NUCB1: variants seen among roughly 807,000 people sequenced by gnomAD.
The protein encoded by NUCB1 is nucleobindin-1.
A neutral mutation model predicts 61.2 loss-of-function variants in NUCB1; 47 were observed. That is an observed-to-expected ratio of 0.77 (90% CI 0.61 to 0.98). The LOEUF is 0.98. NUCB1 is among the 50% of genes least tolerant of loss of function. The probability of loss-of-function intolerance (pLI) is 0.00; values close to 1 mark genes in which losing one functional copy is unlikely to be tolerated. For synonymous variants in NUCB1, 234 were observed against 243.1 expected (o/e 0.96, Z 0.35); for missense variants, 583 against 605.3 (o/e 0.96, Z 0.39).
At chr19:48,907,475 A>C (rs928987395) in intron 4 of NUCB1, among the ~76,000 whole-genome samples, 2 of 151,810 alleles carry the variant, frequency 1.3e-5, no homozygotes, top group African/African-American at 4.8e-5. Context: ...TGATTTTGCC[A>C]TGTTGGCCAG....
intron 4 of NUCB1, among the ~76,000 whole-genome samples, chr19:48,907,362 G>A (rs563607521): frequency 7.1e-6 from 1 of 140,658 alleles, no homozygotes; most frequent in Admixed American, 7.5e-5. Flanking sequence ...TGCAACCTCC[G>A]CCTCCTGGGT....
chr19:48,900,788 CA>C lies in NUCB1; in HGVS notation c.-8del. The stretch of plus-strand genomic sequence containing the variant: ...ATCCAGCCCTCCATCCCCCACAGAC[CA>C]CACTGCCATGCCTCCCTCTGGGCCC... On this transcript the variant is annotated 5_prime_UTR_variant, in exon 2 of 13. Transcript: ENST00000405315. 6.2e-7 allele frequency: 1 copy of C among 1,613,668 alleles called. No homozygotes were observed. The highest frequency in any genetic ancestry group is 8.5e-7 in the Non-Finnish European group (1 of 1,179,922).
intron 1 of NUCB1, 115 bp from the exon 2 acceptor site, chr19:48,900,670 CT>C: frequency 7.3e-7 from 1 of 1,362,098 alleles, no homozygotes; most frequent in Non-Finnish European, 1.0e-6. Context: ...TAACAAAATG[CT>C]TGTGTCTTGA....
Position 48,922,466 on chromosome 19 carries a change from G to A in NUCB1, c.*42G>A, listed in dbSNP as rs1351162523. 1 of 1,500,724 alleles carries A rather than the reference G, an allele frequency of 6.7e-7. No individual in the cohort carries two copies. Among genetic ancestry groups the A allele is most frequent in the Non-Finnish European group, 9.3e-7 (1 of 1,077,986 alleles). 93.0% of individuals were successfully genotyped at this position (1,500,724 alleles called of 1,614,324 possible). A position where few individuals can be genotyped will look rare whatever the true frequency, so the allele number is the denominator to read the frequency against. ...CCCTCAGGATTCCTGATGCTCCAAG[G>A]CGACTGATGGGCGCTGGATGAAGTG... On this transcript the variant is annotated 3_prime_UTR_variant, in exon 13 of 13. Coordinates refer to ENST00000405315, the MANE Select transcript of NUCB1 (RefSeq NM_006184.6).
intron 7 of NUCB1, among the ~76,000 whole-genome samples, chr19:48,917,114 T>G (rs979603238): frequency 6.6e-6 from 1 of 151,696 alleles, no homozygotes; most frequent in Non-Finnish European, 1.5e-5. Flanking sequence ...TCCCAGCTAC[T>G]TGGGAGGCTG....
intron 7 of NUCB1, among the ~76,000 whole-genome samples, chr19:48,914,682 C>T (rs1044650265): frequency 1.3e-5 from 2 of 151,996 alleles, no homozygotes; most frequent in Admixed American, 1.3e-4. Flanking sequence ...TGTAGTGGCT[C>T]ATGTCTGTAA....
rs760463469 is a variant in NUCB1 at position 48,919,086 on chromosome 19, G to A, written c.873G>A (p.Glu291=). ...AGGACGACATGCGGGAGATGGAGGA[G>A]GAGCGACTGCGCATGCGGGAGCATG... ...NEEDDMREME[E]ERLRMREHVM... is the part of the protein sequence containing the mutation. The change falls in exon 9 of 13, where the codon GAG becomes GAA. Residue 291 remains glutamate, a synonymous_variant. Coordinates refer to ENST00000405315, the MANE Select transcript of NUCB1 (RefSeq NM_006184.6). The A allele has an allele frequency of 1.4e-5, 22 of 1,614,172 alleles. No homozygotes were observed. The highest frequency in any genetic ancestry group is 4.0e-5 in the African/African-American group (3 of 75,046).
chr19:48,904,260 C>G, intron 2 of NUCB1, 87 bp from the exon 3 acceptor site: 2 of 823,214 alleles, frequency 2.4e-6, no homozygotes. Context: ...GTCAGCTGCC[C>G]CAGGGAGCAG....
rs755339454 is a variant in NUCB1 at position 48,922,426 on chromosome 19, C to A, written c.*2C>A. Reference sequence around the variant, plus strand: ...GTTGAGGTGCCCCAGCATCTGTGATCCTCCGGGACCCCAGCCCTCAGGATT... The same window carrying A: ...GTTGAGGTGCCCCAGCATCTGTGATACTCCGGGACCCCAGCCCTCAGGATT... On this transcript the variant is annotated 3_prime_UTR_variant, in exon 13 of 13. Transcript: ENST00000405315. The A allele has an allele frequency of 3.7e-6, 6 of 1,610,522 alleles. No homozygotes were observed. The highest frequency in any genetic ancestry group is 5.1e-6 in the Non-Finnish European group (6 of 1,176,884).
chr19:48,904,959 G>A (rs1404478953), intron 3 of NUCB1, among the ~76,000 whole-genome samples: 2 of 146,184 alleles, frequency 1.4e-5, no homozygotes, highest in African/African-American at 5.4e-5. Context: ...TACGTGTTTA[G>A]TGCAGAGTCC....
In NUCB1 at chr19:48,900,942, C is replaced by T. The variant is rs200332775; in HGVS notation, c.135+11C>T. ...GCGACTGAGAGTCCCGTGAGTGGCC[C>T]TGCCCTGCTATCCAGCCAGGTGTTT... On this transcript the variant is annotated intron_variant, in intron 2 of 12. Coordinates refer to ENST00000405315, the MANE Select transcript of NUCB1 (RefSeq NM_006184.6). 2,908 of 1,613,776 alleles carry T rather than the reference C, an allele frequency of 1.8e-3. 6 individuals are homozygous for T. Among genetic ancestry groups the T allele is most frequent in the Non-Finnish European group, 2.2e-3 (2,650 of 1,180,014 alleles).
At chr19:48,910,854 T>C in intron 4 of NUCB1, 2 of 250,684 alleles carry the variant, frequency 8.0e-6, no homozygotes, top group Non-Finnish European at 1.6e-5. Flanking sequence ...ATAAAACCCT[T>C]GTTGTCAGGA....
At chr19:48,920,711 C>T (rs1468289926) in intron 10 of NUCB1, among the ~76,000 whole-genome samples, 2 of 152,078 alleles carry the variant, frequency 1.3e-5, no homozygotes, top group East Asian at 3.8e-4. Context: ...TTAGTAGAGA[C>T]GGGGTTTCTC....
At chr19:48,916,171 C>CTTGTGT (rs1555791992) in intron 7 of NUCB1, among the ~76,000 whole-genome samples, 5 of 147,788 alleles carry the variant, frequency 3.4e-5, no homozygotes, top group South Asian at 2.2e-4. Context: ...TGGTATTTGT[C>CTTGTGT]GTGTGTGTGT....
chr19:48,901,527 G>A (rs2037353127), intron 2 of NUCB1, among the ~76,000 whole-genome samples: 1 of 152,216 alleles, frequency 6.6e-6, no homozygotes, highest in Non-Finnish European at 1.5e-5. Context: ...ACTTTGGGAG[G>A]CCGAGACAGG....
intron 6 of NUCB1, 42 bp downstream of exon 6, chr19:48,913,238 A>G (rs1257455192): frequency 1.9e-6 from 3 of 1,556,550 alleles, no homozygotes; most frequent in East Asian, 2.3e-5. Context: ...TACCACATCC[A>G]GTTCAAACGC....
At chr19:48,904,608 C>A (rs1223488907) in intron 3 of NUCB1, among the ~76,000 whole-genome samples, 154 bp downstream of exon 3, 1 of 151,470 alleles carries the variant, frequency 6.6e-6, no homozygotes, top group African/African-American at 2.4e-5. Flanking sequence ...CACTGCACCT[C>A]CACCCCGCAG....
rs2037616150 is a variant in NUCB1, at chr19:48,922,075, G to A, written c.1279+143G>A. On this transcript the variant is annotated intron_variant, in intron 12 of 12. Coordinates refer to ENST00000405315, the MANE Select transcript of NUCB1 (RefSeq NM_006184.6). The stretch of plus-strand genomic sequence containing the variant: ...CAGATCTGAGGGAAGAGGGACTGGG[G>A]GTCCGGACTCCTGGGTCTGAGGGAG... The A allele has an allele frequency of 5.4e-6, 4 of 738,784 alleles. No individual in the cohort carries two copies. In the South Asian group the frequency reaches 5.5e-5, roughly 10 times the overall value. 45.8% of individuals were successfully genotyped at this position (738,784 alleles called of 1,614,324 possible). A position where few individuals can be genotyped will look rare whatever the true frequency, so the allele number is the denominator to read the frequency against.
intron 4 of NUCB1, among the ~76,000 whole-genome samples, chr19:48,907,027 T>C (rs1056150839): frequency 2.6e-5 from 4 of 151,118 alleles, no homozygotes; most frequent in Non-Finnish European, 5.9e-5. Flanking sequence ...CAGGCTGGAG[T>C]GCAGTGGTGC....
Sources: gnomAD v4.1 joint callset for allele counts (sites outside exome capture counted in the v4.1 genomes callset) on GRCh38, gnomAD v4.1.1 for gene constraint, MANE v1.5 for transcripts, NCBI Gene and HGNC (gene_info 2026-07-23, HGNC 2026-07-21) for gene names.